Variants in FSBP observed in about 807,000 individuals in gnomAD.
FSBP encodes the protein fibrinogen silencer binding protein, also known as fibrinogen silencer-binding protein.
In FSBP, 18 loss-of-function variants were observed where a neutral mutation model predicts 24.6. That is an observed-to-expected ratio of 0.73 (90% CI 0.51 to 1.08). The LOEUF (loss-of-function observed/expected upper bound fraction) is 1.08, where lower values mean the gene tolerates loss of function less well. Ranked by LOEUF, FSBP falls within the 50% of genes least tolerant of loss-of-function variation. The probability of loss-of-function intolerance (pLI) is 0.00; values close to 1 mark genes in which losing one functional copy is unlikely to be tolerated. For missense variants in FSBP, 305 were observed against 347.6 expected, an observed-to-expected ratio of 0.88 and a Z score of 0.98; for synonymous variants, 110 against 125.8, an observed-to-expected ratio of 0.87 and a Z score of 0.84.
In FSBP at chr8:94,436,544, G is replaced by A; in HGVS notation, c.325C>T (p.Pro109Ser). 1.9e-6 allele frequency: 3 copies of A among 1,550,232 alleles called. No homozygotes were observed. Among genetic ancestry groups the A allele is most frequent in the Non-Finnish European group, 2.6e-6 (3 of 1,146,826 alleles). Residue 109 changes from proline (P) to serine (S), a missense_variant, in exon 1 of 2, where the codon CCC (proline) becomes TCC (serine). Transcript: ENST00000481490. ...EPTKKVMEMIPQISSFCLVRD... is the reference protein window; with the variant it reads ...EPTKKVMEMISQISSFCLVRD... ...ACCAGGCAAAAACTGGAAATCTGGG[G>A]AATCATCTCCATAACTTTCTTGGTT...
Position 94,427,854 on chromosome 8 carries a change from AAAG to A in FSBP, c.*4274_*4276del. 1.0e-6 allele frequency: 1 copy of A among 961,198 alleles called. No individual in the cohort carries two copies. Among genetic ancestry groups the A allele is most frequent in the Non-Finnish European group, 1.2e-6 (1 of 807,924 alleles). 59.5% of individuals were successfully genotyped at this position (961,198 alleles called of 1,614,324 possible). ...GTATTTAAAAGTTGACATTACTCCA[AAAG>A]AAGGCACATGAAAAAAACTCATAGT... On this transcript the variant is annotated 3_prime_UTR_variant, in exon 2 of 2. Coordinates refer to ENST00000481490, the MANE Select transcript of FSBP (RefSeq NM_001256141.2).
At position 94,430,690 on chromosome 8, in the gene FSBP, T is replaced by G; in HGVS notation, c.*1441A>C. ...AATGGCTCAGTGAGGCCCACTCACA[T>G]GTTGTCTGTATAATGTTTTAAAAGC... On this transcript the variant is annotated 3_prime_UTR_variant, in exon 2 of 2. Transcript: ENST00000481490. The G allele has an allele frequency of 1.1e-5, 9 of 853,952 alleles. No homozygotes were observed. Among genetic ancestry groups the G allele is most frequent in the Non-Finnish European group, 1.3e-5 (9 of 710,088 alleles). 52.9% of individuals were successfully genotyped at this position (853,952 alleles called of 1,614,324 possible).
chr8:94,431,358 TAGAG>T lies in FSBP; in HGVS notation c.*769_*772del, dbSNP rs1164856905. 2.0e-6 allele frequency: 2 copies of T among 984,578 alleles called. No homozygotes were observed. The highest frequency in any genetic ancestry group is 2.4e-6 in the Non-Finnish European group (2 of 829,312). 61.0% of individuals were successfully genotyped at this position (984,578 alleles called of 1,614,324 possible). On this transcript the variant is annotated 3_prime_UTR_variant, in exon 2 of 2. Transcript: ENST00000481490. ...CTTATCTATTTTGCTGGAACAAAAA[TAGAG>T]AGAGAATGGGGGTAATTGATGTAAT...
chr8:94,433,024 C>T (rs1812155450), intron 1 of FSBP, among the ~76,000 whole-genome samples: 1 of 152,092 alleles, frequency 6.6e-6, no homozygotes, highest in Non-Finnish European at 1.5e-5. Context: ...CCATTTAATG[C>T]ATTCTCAGTC....
Position 94,436,629 on chromosome 8 carries a change from T to G in FSBP, c.240A>C (p.Lys80Asn). 1 of 1,550,600 alleles carries G rather than the reference T, an allele frequency of 6.4e-7. No individual in the cohort carries two copies. The highest frequency in any genetic ancestry group is 8.7e-7 in the Non-Finnish European group (1 of 1,146,968). The change falls in exon 1 of 2, where the codon AAA becomes AAC. Residue 80 changes from lysine to asparagine, a missense_variant. Coordinates refer to ENST00000481490, the MANE Select transcript of FSBP (RefSeq NM_001256141.2). ...TLYKRLKEYAKQELLQQKETQ... is the reference protein window; with the variant it reads ...TLYKRLKEYANQELLQQKETQ... ...TCTCTTTTTGCTGCAATAGCTCCTG[T>G]TTGGCATATTCTTTGAGCCTTTTAT...
rs1412309580 is a variant in FSBP at position 94,427,867 on chromosome 8, GA to G, written c.*4263del. The G allele has an allele frequency of 1.4e-5, 13 of 957,898 alleles. No homozygotes were observed. In the South Asian group the frequency reaches 3.9e-4, roughly 29 times the overall value. 59.3% of individuals were successfully genotyped at this position (957,898 alleles called of 1,614,324 possible). A position where few individuals can be genotyped will look rare whatever the true frequency, so the allele number is the denominator to read the frequency against. ...GACATTACTCCAAAAGAAGGCACAT[GA>G]AAAAAACTCATAGTTTAAACATTTT... On this transcript the variant is annotated 3_prime_UTR_variant, in exon 2 of 2. Transcript: ENST00000481490.
chr8:94,428,113 A>G lies in FSBP; in HGVS notation c.*4018T>C. Reference sequence around the variant, plus strand: ...TTGTAACAACATATCCATTACATTCATATGGATAAGAGAAAGATAGGAAAG... The same window carrying G: ...TTGTAACAACATATCCATTACATTCGTATGGATAAGAGAAAGATAGGAAAG... On this transcript the variant is annotated 3_prime_UTR_variant, in exon 2 of 2. Coordinates refer to ENST00000481490, the MANE Select transcript of FSBP (RefSeq NM_001256141.2). 1 of 910,576 alleles carries G rather than the reference A, an allele frequency of 1.1e-6. No individual in the cohort carries two copies. Among genetic ancestry groups the G allele is most frequent in the Non-Finnish European group, 1.3e-6 (1 of 761,932 alleles). The allele number at this position is 910,576 out of a possible 1,614,324, so 56.4% of individuals were successfully genotyped here. A position where few individuals can be genotyped will look rare whatever the true frequency, so the allele number is the denominator to read the frequency against.
Position 94,431,559 on chromosome 8 carries a change from T to A in FSBP, c.*572A>T. 2 of 953,130 alleles carry A rather than the reference T, an allele frequency of 2.1e-6. No individual in the cohort carries two copies. Among genetic ancestry groups the A allele is most frequent in the Non-Finnish European group, 2.5e-6 (2 of 800,572 alleles). 59.0% of individuals were successfully genotyped at this position (953,130 alleles called of 1,614,324 possible). On this transcript the variant is annotated 3_prime_UTR_variant, in exon 2 of 2. Coordinates refer to ENST00000481490, the MANE Select transcript of FSBP (RefSeq NM_001256141.2). ...GTCTCTGCTCTGCCATAAATAGCTT[T>A]GTTACCCTAAGTAAGTCATTGAGTT...
Position 94,430,709 on chromosome 8 carries a change from T to TA in FSBP, c.*1421dup. On this transcript the variant is annotated 3_prime_UTR_variant, in exon 2 of 2. Coordinates refer to ENST00000481490, the MANE Select transcript of FSBP (RefSeq NM_001256141.2). ...CTCACATGTTGTCTGTATAATGTTT[T>TA]AAAAGCATTTTGTGTTATTTGCAAA... 1.1e-5 allele frequency: 10 copies of TA among 929,114 alleles called. No individual in the cohort carries two copies. The highest frequency in any genetic ancestry group is 1.3e-5 in the Non-Finnish European group (10 of 778,836). 57.6% of individuals were successfully genotyped at this position (929,114 alleles called of 1,614,324 possible).
At position 94,430,938 on chromosome 8, in the gene FSBP, CTCAA is replaced by C; in HGVS notation, c.*1189_*1192del. ...TTAGCACTGCATTTGTGCTTATATA[CTCAA>C]TCCACTTTTTCCCATTCTTTTGTCT... is the stretch of plus-strand genomic sequence containing the variant. On this transcript the variant is annotated 3_prime_UTR_variant, in exon 2 of 2. Transcript: ENST00000481490. 2 of 985,290 alleles carry C rather than the reference CTCAA, an allele frequency of 2.0e-6. No individual in the cohort carries two copies. The highest frequency in any genetic ancestry group is 1.2e-6 in the Non-Finnish European group (1 of 829,898). The allele number at this position is 985,290 out of a possible 1,614,324, so 61.0% of individuals were successfully genotyped here. A position where few individuals can be genotyped will look rare whatever the true frequency, so the allele number is the denominator to read the frequency against.
rs1220210321 is a variant in FSBP at position 94,428,650 on chromosome 8, GTTAT to G, written c.*3477_*3480del. 7 of 735,056 alleles carry G rather than the reference GTTAT, an allele frequency of 9.5e-6. No homozygotes were observed. The East Asian group carries it at 6.5e-4, about 68-fold the overall frequency. 45.5% of individuals were successfully genotyped at this position (735,056 alleles called of 1,614,324 possible). On this transcript the variant is annotated 3_prime_UTR_variant, in exon 2 of 2. Transcript: ENST00000481490. Reference sequence around the variant, plus strand: ...TCGTATTACTTTTTATTGTTGTACTGTTATTTATTTTTCTGCCTGAATATTTTCA... The same window carrying G: ...TCGTATTACTTTTTATTGTTGTACTGTTATTTTTCTGCCTGAATATTTTCA...
chr8:94,432,747 TGA>T, intron 1 of FSBP, 91 bp from the exon 2 acceptor site: 2 of 1,348,906 alleles, frequency 1.5e-6, no homozygotes, highest in Non-Finnish European at 1.9e-6. Flanking sequence ...GTACATTAAA[TGA>T]TAAAGCTTTA....
At position 94,436,882 on chromosome 8, in the gene FSBP, T is replaced by C; in HGVS notation, c.-14A>G. The C allele has an allele frequency of 1.3e-6, 2 of 1,496,376 alleles. No homozygotes were observed. The highest frequency in any genetic ancestry group is 1.8e-6 in the Non-Finnish European group (2 of 1,125,566). The allele number at this position is 1,496,376 out of a possible 1,614,324, so 92.7% of individuals were successfully genotyped here. On this transcript the variant is annotated 5_prime_UTR_variant, in exon 1 of 2. Coordinates refer to ENST00000481490, the MANE Select transcript of FSBP (RefSeq NM_001256141.2). ...CTTTCCTACCATTGTTCTTTTCAAA[T>C]TAAGTAGGCAGTTTCTGAAACCACC...
At chr8:94,434,896 GTGTGAATATTGTAAATAT>G (rs1812213490) in intron 1 of FSBP, among the ~76,000 whole-genome samples, 2 of 151,192 alleles carry the variant, frequency 1.3e-5, no homozygotes, top group South Asian at 4.2e-4. Flanking sequence ...GATTTTTTGT[GTGTGAATATTGTAAATAT>G]TCACACACAC....
At position 94,436,692 on chromosome 8, in the gene FSBP, G is replaced by C; in HGVS notation, c.177C>G (p.Asp59Glu). 6.4e-7 allele frequency: 1 copy of C among 1,550,632 alleles called. No individual in the cohort carries two copies. Among genetic ancestry groups the C allele is most frequent in the South Asian group, 1.2e-5 (1 of 84,050 alleles). ...GGCCCTGTGCTGTTCGAGGAGGGCG[G>C]TCTACTCCAATTGCATTATAGTTAA... ...IAVNYNAIGV[D>E]RPPRTAQGLR... The change falls in exon 1 of 2, where the codon GAC (aspartate) becomes GAG (glutamate). Residue 59 changes from aspartate (D) to glutamate (E), a missense_variant. Asp to Glu is a conservative substitution (Grantham distance 45, BLOSUM62 2). Coordinates refer to ENST00000481490, the MANE Select transcript of FSBP (RefSeq NM_001256141.2).
intron 1 of FSBP, among the ~76,000 whole-genome samples, chr8:94,434,902 ATATTG>A (rs1365863188): frequency 1.3e-5 from 2 of 151,428 alleles, no homozygotes; most frequent in Non-Finnish European, 3.0e-5. Context: ...TTGTGTGTGA[ATATTG>A]TAAATATTCA....
At position 94,430,532 on chromosome 8, in the gene FSBP, C is replaced by A; in HGVS notation, c.*1599G>T. 2 of 820,040 alleles carry A rather than the reference C, an allele frequency of 2.4e-6. No individual in the cohort carries two copies. The highest frequency in any genetic ancestry group is 2.9e-6 in the Non-Finnish European group (2 of 679,658). 50.8% of individuals were successfully genotyped at this position (820,040 alleles called of 1,614,324 possible). A position where few individuals can be genotyped will look rare whatever the true frequency, so the allele number is the denominator to read the frequency against. ...GGTTTATTAAAAGAGATTGCTGACA[C>A]CCCCAGGGTTTCTAATTCACTTGGA... On this transcript the variant is annotated 3_prime_UTR_variant, in exon 2 of 2. Transcript: ENST00000481490.
chr8:94,430,037 G>C lies in FSBP; in HGVS notation c.*2094C>G. The C allele has an allele frequency of 1.4e-5, 14 of 985,264 alleles. No homozygotes were observed. Among genetic ancestry groups the C allele is most frequent in the Non-Finnish European group, 1.7e-5 (14 of 829,890 alleles). 61.0% of individuals were successfully genotyped at this position (985,264 alleles called of 1,614,324 possible). A position where few individuals can be genotyped will look rare whatever the true frequency, so the allele number is the denominator to read the frequency against. On this transcript the variant is annotated 3_prime_UTR_variant, in exon 2 of 2. Coordinates refer to ENST00000481490, the MANE Select transcript of FSBP (RefSeq NM_001256141.2). ...CTCATTAAAAATAGTATTTAGGCTGGGCACGGTGGCTCAAGCCTGTAATCC... is the reference window on the plus strand; with the variant it reads ...CTCATTAAAAATAGTATTTAGGCTGCGCACGGTGGCTCAAGCCTGTAATCC...
In FSBP at chr8:94,428,904, A is replaced by G; in HGVS notation, c.*3227T>C. ...TCCAAATTACCCTAAGATACTCTGT[A>G]AGATAATAAACAGCCTCGGAAAAGG... On this transcript the variant is annotated 3_prime_UTR_variant, in exon 2 of 2. Transcript: ENST00000481490. 1 of 985,290 alleles carries G rather than the reference A, an allele frequency of 1.0e-6. No homozygotes were observed. The highest frequency in any genetic ancestry group is 1.2e-6 in the Non-Finnish European group (1 of 829,798). 61.0% of individuals were successfully genotyped at this position (985,290 alleles called of 1,614,324 possible). A position where few individuals can be genotyped will look rare whatever the true frequency, so the allele number is the denominator to read the frequency against.
Sources: allele counts gnomAD v4.1 joint callset (sites outside exome capture counted in the v4.1 genomes callset), GRCh38; gene constraint gnomAD v4.1.1; transcripts MANE v1.5; gene names NCBI Gene and HGNC (gene_info 2026-07-23, HGNC 2026-07-21).